Variants in STX18 observed in about 807,000 individuals in gnomAD.
The protein encoded by STX18 is syntaxin 18, also known as syntaxin-18.
STX18 carries 40 observed loss-of-function variants against 50.1 expected under a neutral mutation model. The observed-to-expected ratio is 0.80, with a 90% CI of 0.62 to 1.04. The LOEUF (loss-of-function observed/expected upper bound fraction) is 1.04. STX18 is among the 50% of genes least tolerant of loss of function. The pLI, the probability that STX18 is intolerant of heterozygous loss-of-function variation, is 0.00. For missense variants in STX18, 410 were observed against 415.8 expected, an observed-to-expected ratio of 0.99 and a Z score of 0.12; for synonymous variants, 158 against 151.8, an observed-to-expected ratio of 1.04 and a Z score of -0.30.
intron 1 of STX18, among the ~76,000 whole-genome samples, chr4:4,524,605 G>C (rs760004964): frequency 4.6e-5 from 7 of 152,234 alleles, no homozygotes; most frequent in African/African-American, 1.7e-4. Context: ...ACAAAGCAAG[G>C]GCGTTAGAGG....
At chr4:4,439,175 C>G (rs1484200241) in intron 5 of STX18, among the ~76,000 whole-genome samples, 1 of 117,270 alleles carries the variant, frequency 8.5e-6, no homozygotes, top group Non-Finnish European at 1.7e-5. Flanking sequence ...ATATAACCCC[C>G]TACATACACA....
At chr4:4,529,204 A>T (rs1262551362) in intron 1 of STX18, among the ~76,000 whole-genome samples, 1 of 152,142 alleles carries the variant, frequency 6.6e-6, no homozygotes, top group East Asian at 1.9e-4. Context: ...TCTACTAAAA[A>T]TACACAAATT....
At chr4:4,486,953 A>T (rs1242329798) in intron 1 of STX18, among the ~76,000 whole-genome samples, 3 of 152,210 alleles carry the variant, frequency 2.0e-5, no homozygotes, top group Admixed American at 1.3e-4. Context: ...AGGGGCACAG[A>T]TGCCTTTGAG....
Position 4,454,803 on chromosome 4 carries a change from A to C in STX18, c.497+2388T>G, listed in dbSNP as rs762371644. ...AGCTAACCCAAATTTGCTGAGCCCC[A>C]ATATCCTAATTTAGAAAATGAAATA... On this transcript the variant is annotated intron_variant, in intron 5 of 10. Coordinates refer to ENST00000306200, the MANE Select transcript of STX18 (RefSeq NM_016930.4). Among the ~76,000 whole-genome samples the C allele has an allele frequency of 3.9e-4, 59 of 152,328 alleles. No homozygotes were observed. The Middle Eastern group carries it at 0.014, about 35-fold the overall frequency.
chr4:4,535,577 G>A (rs1731293278), intron 1 of STX18, among the ~76,000 whole-genome samples: 1 of 152,156 alleles, frequency 6.6e-6, no homozygotes, highest in Admixed American at 6.5e-5. Context: ...CAGAAGGGTA[G>A]TAGGCTGGCG....
At chr4:4,448,956 T>A (rs1359546259) in intron 5 of STX18, among the ~76,000 whole-genome samples, 2 of 152,108 alleles carry the variant, frequency 1.3e-5, no homozygotes, top group South Asian at 4.1e-4. Flanking sequence ...ACTAGAGTTG[T>A]TGCAAACACT....
At chr4:4,466,293 A>G (rs1285524718) in intron 2 of STX18, among the ~76,000 whole-genome samples, 1 of 152,142 alleles carries the variant, frequency 6.6e-6, no homozygotes, top group Non-Finnish European at 1.5e-5. Context: ...GGCCAACCTG[A>G]TAGTGTGAGT....
intron 8 of STX18, 33 bp downstream of exon 8, chr4:4,425,131 G>A: frequency 6.3e-7 from 1 of 1,597,116 alleles, no homozygotes. Flanking sequence ...TTGTAAAGCA[G>A]GCTATCAGCT....
chr4:4,498,310 A>G (rs4689117), intron 1 of STX18, among the ~76,000 whole-genome samples: 29,430 of 152,122 alleles, frequency 0.19, 3,098 homozygotes, highest in East Asian at 0.35. Context: ...TTCGCAAAAT[A>G]GTACTGCATA....
Position 4,420,669 on chromosome 4 carries a change from C to G in STX18, c.912+195G>C, listed in dbSNP as rs924555277. The G allele has an allele frequency of 1.7e-6, 1 of 581,624 alleles. No homozygotes were observed. Among genetic ancestry groups the G allele is most frequent in the Non-Finnish European group, 3.0e-6 (1 of 329,278 alleles). 36.0% of individuals were successfully genotyped at this position (581,624 alleles called of 1,614,324 possible). A position where few individuals can be genotyped will look rare whatever the true frequency, so the allele number is the denominator to read the frequency against. On this transcript the variant is annotated intron_variant, in intron 10 of 10. Transcript: ENST00000306200. The surrounding 1 kb of genome is among the most constrained non-coding windows in gnomAD (Gnocchi z 4.3). ...TGGAGGCTGGTGAGCCACTGCCTCT[C>G]GAAAGCAGCTGGAGGTGGGCGACAG...
At chr4:4,500,490 G>A (rs565922683) in intron 1 of STX18, among the ~76,000 whole-genome samples, 2 of 152,296 alleles carry the variant, frequency 1.3e-5, no homozygotes, top group East Asian at 3.9e-4. Flanking sequence ...GAGGATGTCT[G>A]TAGGTTATAC....
rs28593501 is a variant in STX18 at position 4,500,052 on chromosome 4, C to T, written c.169-28346G>A. On this transcript the variant is annotated intron_variant, in intron 1 of 10. Transcript: ENST00000306200. Reference sequence around the variant, plus strand: ...GACTATTTGTCTATGATCCTATCTTCAATGGGATTTTTAGAGTTTTCTATC... The same window carrying T: ...GACTATTTGTCTATGATCCTATCTTTAATGGGATTTTTAGAGTTTTCTATC... 4.7e-3 allele frequency among the ~76,000 whole-genome samples: 708 copies of T among 152,076 alleles called. 7 individuals are homozygous for T. Among genetic ancestry groups the T allele is most frequent in the Non-Finnish European group, 7.8e-3 (528 of 67,980 alleles).
intron 2 of STX18, chr4:4,461,957 G>A (rs747793622): frequency 6.6e-6 from 3 of 456,290 alleles, no homozygotes; most frequent in Non-Finnish European, 1.3e-5. Context: ...TGTTGCAAAG[G>A]GGCCTGTCCC....
intron 1 of STX18, among the ~76,000 whole-genome samples, chr4:4,526,745 G>C (rs1179969358): frequency 6.7e-6 from 1 of 150,030 alleles, no homozygotes; most frequent in Non-Finnish European, 1.5e-5. Flanking sequence ...TGAGGCAGGA[G>C]GACGCTTGAG....
In STX18 at chr4:4,420,412, T is replaced by A; in HGVS notation, c.913-283A>T. On this transcript the variant is annotated intron_variant, in intron 10 of 10. Coordinates refer to ENST00000306200, the MANE Select transcript of STX18 (RefSeq NM_016930.4). This position sits in a 1 kb window ranked among gnomAD's most constrained non-coding sequence, Gnocchi z 4.3. Reference sequence around the variant, plus strand: ...CCAGGGTTAAGGGCCCCGAGCAGAGTGTGACCGCAAGCTTTGTGTTTCCCA... The same window carrying A: ...CCAGGGTTAAGGGCCCCGAGCAGAGAGTGACCGCAAGCTTTGTGTTTCCCA... The A allele has an allele frequency of 2.2e-6, 1 of 448,272 alleles. No individual in the cohort carries two copies. Among genetic ancestry groups the A allele is most frequent in the Non-Finnish European group, 4.1e-6 (1 of 246,196 alleles). The allele number at this position is 448,272 out of a possible 1,614,324, so 27.8% of individuals were successfully genotyped here.
chr4:4,432,635 G>A (rs1377736618), intron 7 of STX18, among the ~76,000 whole-genome samples: 1 of 152,252 alleles, frequency 6.6e-6, no homozygotes, highest in Non-Finnish European at 1.5e-5. Flanking sequence ...CAGAGGTCCA[G>A]AGCAGTGAGA....
At chr4:4,537,652 T>C (rs563687203) in intron 1 of STX18, among the ~76,000 whole-genome samples, 224 of 152,314 alleles carry the variant, frequency 1.5e-3, no homozygotes, top group Non-Finnish European at 2.6e-3. Flanking sequence ...TAGGTTACTA[T>C]TACTTGCAAA....
intron 6 of STX18, chr4:4,437,747 GC>G (rs548450595): frequency 4.0e-4 from 164 of 414,448 alleles, no homozygotes; most frequent in Non-Finnish European, 5.0e-4. Flanking sequence ...GCTCCACTCT[GC>G]CTTTGAGATA....
intron 2 of STX18, among the ~76,000 whole-genome samples, chr4:4,467,745 G>A (rs1486027009): frequency 6.6e-6 from 1 of 151,620 alleles, no homozygotes; most frequent in Non-Finnish European, 1.5e-5. Flanking sequence ...GGTGGGCATG[G>A]GGGGTGGGTG....
Sources: gnomAD v4.1 joint callset for allele counts (sites outside exome capture counted in the v4.1 genomes callset) on GRCh38, gnomAD v4.1.1 for gene constraint, Gnocchi (gnomAD v3.1) non-coding constraint, MANE v1.5 for transcripts, NCBI Gene and HGNC (gene_info 2026-07-23, HGNC 2026-07-21) for gene names.